EFHD1: variants seen among roughly 807,000 people sequenced by gnomAD.
EFHD1 encodes EF-hand domain family member D1, also known as EF-hand domain-containing protein D1.
In EFHD1, 10 loss-of-function variants were observed where a neutral mutation model predicts 17.2. The observed-to-expected ratio is 0.58, with a 90% CI of 0.36 to 0.99. The LOEUF is 0.99. Among genes scored for constraint, EFHD1 ranks in the 50% least tolerant of loss-of-function variants. The probability of loss-of-function intolerance (pLI) is 0.01; values close to 1 mark genes in which losing one functional copy is unlikely to be tolerated. For synonymous variants in EFHD1, 153 were observed against 142.0 expected (o/e 1.08, Z -0.55); for missense variants, 310 against 327.5 (o/e 0.95, Z 0.41).
chr2:232,673,863 T>G (rs1368181393), intron 3 of EFHD1, among the ~76,000 whole-genome samples: 7 of 151,932 alleles, frequency 4.6e-5, no homozygotes, highest in Admixed American at 2.6e-4. Context: ...ACTATGCACA[T>G]TTTATATTTT....
At chr2:232,655,386 G>A (rs1030110277) in intron 1 of EFHD1, among the ~76,000 whole-genome samples, 1 of 152,174 alleles carries the variant, frequency 6.6e-6, no homozygotes, top group Admixed American at 6.5e-5. Flanking sequence ...TTCTCAGAGG[G>A]TTTCCTTGAA....
intron 3 of EFHD1, among the ~76,000 whole-genome samples, chr2:232,679,249 T>C (rs982342245): frequency 1.3e-5 from 2 of 152,174 alleles, no homozygotes; most frequent in African/African-American, 4.8e-5. Flanking sequence ...GGTTGATCAA[T>C]TTGATTACAT....
At chr2:232,663,512 G>A (rs1473801324) in intron 2 of EFHD1, among the ~76,000 whole-genome samples, 1 of 152,040 alleles carries the variant, frequency 6.6e-6, no homozygotes, top group Non-Finnish European at 1.5e-5. Context: ...TGGGATTACA[G>A]TGTGCCACCA....
chr2:232,630,138 C>T (rs114660955), upstream of EFHD1, among the ~76,000 whole-genome samples: 378 of 151,854 alleles, frequency 2.5e-3, 1 homozygote, highest in African/African-American at 8.4e-3. Flanking sequence ...TTAGTAGAGG[C>T]GGGCTGTCAC....
intron 1 of EFHD1, among the ~76,000 whole-genome samples, chr2:232,655,951 C>T (rs1303041039): frequency 5.9e-5 from 9 of 152,056 alleles, no homozygotes; most frequent in African/African-American, 1.4e-4. Flanking sequence ...GGACTACAGG[C>T]GCCTGCCACC....
intron 2 of EFHD1, among the ~76,000 whole-genome samples, chr2:232,670,198 C>T (rs1695041924): frequency 6.6e-6 from 1 of 152,100 alleles, no homozygotes; most frequent in African/African-American, 2.4e-5. Flanking sequence ...TGGCTCATGC[C>T]TGCAATCCCA....
At chr2:232,662,199 A>G (rs1418978382) in intron 1 of EFHD1, among the ~76,000 whole-genome samples, 1 of 152,136 alleles carries the variant, frequency 6.6e-6, no homozygotes, top group Non-Finnish European at 1.5e-5. Flanking sequence ...GTTAGAGGAC[A>G]GAGTCAGAGC....
intron 2 of EFHD1, among the ~76,000 whole-genome samples, chr2:232,668,795 G>A (rs975667577): frequency 2.6e-5 from 4 of 152,054 alleles, no homozygotes; most frequent in East Asian, 1.9e-4. Context: ...CACCATGCCC[G>A]GCTAATTTTG....
chr2:232,646,648 T>C (rs1176570078), intron 1 of EFHD1, among the ~76,000 whole-genome samples: 2 of 151,962 alleles, frequency 1.3e-5, no homozygotes, highest in Non-Finnish European at 2.9e-5. Flanking sequence ...TTTCACCATG[T>C]TGGCCAGGCT....
intron 1 of EFHD1, among the ~76,000 whole-genome samples, chr2:232,641,779 A>C (rs1201810054): frequency 6.6e-6 from 1 of 152,148 alleles, no homozygotes. Flanking sequence ...CCCCTTTCTC[A>C]CTTCTCGGCC....
intron 1 of EFHD1, among the ~76,000 whole-genome samples, chr2:232,635,077 C>G: frequency 6.6e-6 from 1 of 152,224 alleles, no homozygotes; most frequent in East Asian, 1.9e-4. Flanking sequence ...CCTCTGCCTC[C>G]CTGACACCCT....
intron 3 of EFHD1, among the ~76,000 whole-genome samples, chr2:232,677,028 A>G (rs150872219): frequency 1.2e-3 from 184 of 152,070 alleles, no homozygotes; most frequent in African/African-American, 4.3e-3. Context: ...AACAAAAAGC[A>G]AACAATAAAA....
chr2:232,675,586 C>T (rs952579682), intron 3 of EFHD1, among the ~76,000 whole-genome samples: 6 of 152,142 alleles, frequency 3.9e-5, no homozygotes, highest in Non-Finnish European at 8.8e-5. Flanking sequence ...GACATGATTC[C>T]GATGCACAGC....
chr2:232,612,295 A>C (rs1693826939), intron 1 of EFHD1, among the ~76,000 whole-genome samples: 1 of 152,196 alleles, frequency 6.6e-6, no homozygotes, highest in Non-Finnish European at 1.5e-5. Flanking sequence ...CATGGGCTTC[A>C]AAAGACACCC....
At chr2:232,664,903 A>G (rs546385752) in intron 2 of EFHD1, among the ~76,000 whole-genome samples, 29 of 151,834 alleles carry the variant, frequency 1.9e-4, no homozygotes, top group Admixed American at 5.3e-4. Context: ...GTGAGCCACC[A>G]CGCCCGGCCT....
intron 1 of EFHD1, among the ~76,000 whole-genome samples, chr2:232,607,526 G>C (rs1018284296): frequency 6.6e-6 from 1 of 151,614 alleles, no homozygotes; most frequent in East Asian, 1.9e-4. Context: ...CCTGGGAGGC[G>C]GAGGCTGCAC....
intron 1 of EFHD1, among the ~76,000 whole-genome samples, chr2:232,624,553 C>T (rs919719514): frequency 7.9e-5 from 12 of 152,280 alleles, no homozygotes; most frequent in African/African-American, 2.9e-4. Flanking sequence ...GATTCATTTA[C>T]ACAGTCTGTG....
intron 2 of EFHD1, among the ~76,000 whole-genome samples, chr2:232,666,685 T>C (rs1694972350): frequency 6.6e-6 from 1 of 152,174 alleles, no homozygotes; most frequent in Admixed American, 6.5e-5. Flanking sequence ...TGCACCCCCG[T>C]TCCAAAGCTT....
upstream of EFHD1, among the ~76,000 whole-genome samples, chr2:232,632,653 T>C (rs908123090): frequency 6.6e-6 from 1 of 152,192 alleles, no homozygotes; most frequent in Non-Finnish European, 1.5e-5. Context: ...AGAGCCAGGG[T>C]CTCACTCTGT....
Sources: allele counts gnomAD v4.1 joint callset (sites outside exome capture counted in the v4.1 genomes callset), GRCh38; gene constraint gnomAD v4.1.1; transcripts MANE v1.5; gene names NCBI Gene and HGNC (gene_info 2026-07-23, HGNC 2026-07-21).